GET4: variants seen among roughly 807,000 people sequenced by gnomAD.
The protein encoded by GET4 is guided entry of tail-anchored proteins factor 4, also known as Golgi to ER traffic protein 4 homolog.
GET4 carries 20 observed loss-of-function variants against 40.0 expected under a neutral mutation model. The observed-to-expected ratio is 0.50, with a 90% confidence interval of 0.35 to 0.73. The LOEUF (loss-of-function observed/expected upper bound fraction) is 0.73, where lower values mean the gene tolerates loss of function less well. Among genes scored for constraint, GET4 ranks in the 30% least tolerant of loss-of-function variants. The pLI is 0.01. For missense variants in GET4, 557 were observed against 454.0 expected (o/e 1.23, Z -2.06); for synonymous variants, 280 against 194.6 (o/e 1.44, Z -3.65).
chr7:887,225 G>T (rs780523340), intron 3 of GET4, 145 bp from the exon 4 acceptor site: 126 of 847,702 alleles, frequency 1.5e-4, no homozygotes, highest in Non-Finnish European at 2.4e-4. Context: ...GCTCAGTGTG[G>T]TGGTCCACGG....
chr7:894,063 C>A (rs1017221525), intron 8 of GET4, 92 bp downstream of exon 8: 2 of 693,824 alleles, frequency 2.9e-6, no homozygotes, highest in Non-Finnish European at 4.7e-6. Context: ...CGGTCCTTCA[C>A]GTGGAAGTGG....
chr7:892,262 A>G lies in GET4; in HGVS notation c.606-16A>G, dbSNP rs769411071. The G allele has an allele frequency of 2.5e-6, 4 of 1,584,844 alleles. No homozygotes were observed. Among genetic ancestry groups the G allele is most frequent in the Non-Finnish European group, 2.6e-6 (3 of 1,155,622 alleles). On this transcript the variant is annotated splice_polypyrimidine_tract_variant and intron_variant, in intron 5 of 8. Coordinates refer to ENST00000265857, the MANE Select transcript of GET4 (RefSeq NM_015949.3). The stretch of plus-strand genomic sequence containing the variant: ...GTCCTCCAGCCCTTCCACCACCAGC[A>G]TGTTCTCATTTCCAGGTTTCTCTGT...
intron 4 of GET4, among the ~76,000 whole-genome samples, chr7:890,662 A>G (rs1844300434): frequency 6.6e-6 from 1 of 152,110 alleles, no homozygotes; most frequent in Non-Finnish European, 1.5e-5. Context: ...ACATTAGTGC[A>G]GTTGGATTAA....
chr7:892,220 G>C, intron 5 of GET4, 58 bp from the exon 6 acceptor site: 1 of 1,564,160 alleles, frequency 6.4e-7, no homozygotes, highest in Non-Finnish European at 8.8e-7. Context: ...GCCGGCGCCT[G>C]TGCGGGCAGA....
chr7:887,304 G>A, intron 3 of GET4, 66 bp from the exon 4 acceptor site: 1 of 1,470,212 alleles, frequency 6.8e-7, no homozygotes, highest in Non-Finnish European at 9.4e-7. Context: ...CACTTCTGTG[G>A]GGAATGTGGG....
At chr7:890,458 C>T (rs982583728) in intron 4 of GET4, among the ~76,000 whole-genome samples, 18 of 148,540 alleles carry the variant, frequency 1.2e-4, no homozygotes, top group African/African-American at 4.5e-4. Context: ...TTAGGACGGG[C>T]TTGGGAGTGG....
chr7:876,933 CGGGTCGCCCGGCGGAGG>C (rs1175451328), intron 1 of GET4, 133 bp downstream of exon 1: 1 of 309,730 alleles, frequency 3.2e-6, no homozygotes, highest in South Asian at 1.2e-4. Context: ...CCAGGGGCCG[CGGGTCGCCCGGCGGAGG>C]GTCTGGGCCG....
In GET4 at chr7:892,673, G is replaced by A. The variant is rs372791601; in HGVS notation, c.746+255G>A. 2.6e-5 allele frequency among the ~76,000 whole-genome samples: 4 copies of A among 151,920 alleles called. No individual in the cohort carries two copies. In the East Asian group the frequency reaches 7.7e-4, roughly 29 times the overall value. ...TGTAGACATGGCGTGGGGGAGTGTA[G>A]GTGTTGGGCCTCTGGTAGTGTGGGT... On this transcript the variant is annotated intron_variant, in intron 6 of 8. Coordinates refer to ENST00000265857, the MANE Select transcript of GET4 (RefSeq NM_015949.3).
At chr7:888,466 G>A (rs1289407020) in intron 4 of GET4, among the ~76,000 whole-genome samples, 1 of 152,248 alleles carries the variant, frequency 6.6e-6, no homozygotes, top group East Asian at 1.9e-4. Flanking sequence ...CACCTGGCAG[G>A]CTTTCCCGAC....
At chr7:894,046 T>A (rs1844410192) in intron 8 of GET4, 75 bp downstream of exon 8, 1 of 837,386 alleles carries the variant, frequency 1.2e-6, no homozygotes, top group African/African-American at 1.7e-5. Flanking sequence ...CCCAGGCAGG[T>A]CCAGTGCGGT....
intron 1 of GET4, chr7:884,379 C>T: frequency 7.7e-7 from 1 of 1,299,230 alleles, no homozygotes; most frequent in South Asian, 1.2e-5. Flanking sequence ...GTCGAGGCTC[C>T]TGCTGTGGTG....
intron 2 of GET4, 23 bp downstream of exon 2, chr7:886,157 GC>G: frequency 6.6e-7 from 1 of 1,507,112 alleles, no homozygotes; most frequent in Non-Finnish European, 9.2e-7. Flanking sequence ...GCTTCCTCCT[GC>G]ATCCCTTTCT....
At chr7:894,756 G>A (rs1315296260) in intron 8 of GET4, among the ~76,000 whole-genome samples, 1 of 152,370 alleles carries the variant, frequency 6.6e-6, no homozygotes, top group East Asian at 1.9e-4. Flanking sequence ...CCGTGTCTTT[G>A]TATTCAAAGA....
intron 8 of GET4, 83 bp downstream of exon 8, chr7:894,054 G>C (rs560003943): frequency 2.6e-6 from 2 of 770,904 alleles, no homozygotes; most frequent in Non-Finnish European, 4.1e-6. Context: ...GGTCCAGTGC[G>C]GTCCTTCACG....
At position 895,467 on chromosome 7, in the gene GET4, G is replaced by T; in HGVS notation, c.*45G>T. 9.5e-7 allele frequency: 1 copy of T among 1,054,698 alleles called. No homozygotes were observed. The highest frequency in any genetic ancestry group is 1.5e-6 in the Non-Finnish European group (1 of 685,226). 65.3% of individuals were successfully genotyped at this position (1,054,698 alleles called of 1,614,324 possible). ...GACACCACGGTCGACGACGGCTGGA[G>T]GGACGTTTCAGAGGCGAGTCCTGGG... On this transcript the variant is annotated 3_prime_UTR_variant, in exon 9 of 9. Coordinates refer to ENST00000265857, the MANE Select transcript of GET4 (RefSeq NM_015949.3).
chr7:886,619 G>A lies in GET4; in HGVS notation c.285G>A (p.Lys95=). 1 of 1,613,060 alleles carries A rather than the reference G, an allele frequency of 6.2e-7. No individual in the cohort carries two copies. Among genetic ancestry groups the A allele is most frequent in the African/African-American group, 1.3e-5 (1 of 75,002 alleles). ...LSMLVLESLE[K]AEVEVADELL... ...TGCTGGTCCTGGAGTCCCTGGAGAA[G>A]GCGGAAGTGGAGGTGGCTGACGAGC... Residue 95 remains lysine (K), a synonymous_variant, in exon 3 of 9, where the codon AAG becomes AAA. Coordinates refer to ENST00000265857, the MANE Select transcript of GET4 (RefSeq NM_015949.3).
At chr7:893,603 C>T (rs532766759) in intron 6 of GET4, 137 bp from the exon 7 acceptor site, 21,871 of 609,582 alleles carry the variant, frequency 0.036, 1,123 homozygotes, top group East Asian at 0.13. Flanking sequence ...GGCATGGGCG[C>T]GGTGTGTGCA....
Position 887,461 on chromosome 7 carries a change from C to G in GET4, c.408C>G (p.Gly136=). 1 of 1,591,290 alleles carries G rather than the reference C, an allele frequency of 6.3e-7. No homozygotes were observed. The highest frequency in any genetic ancestry group is 8.6e-7 in the Non-Finnish European group (1 of 1,166,906). ...VSRALKWSSG[G]SGKLGHPRLH... is the part of the protein sequence containing the mutation. ...GAGCCCTGAAGTGGTCCAGTGGGGG[C>G]TCCGGGAAGCTGGGCCACCCCCGGC... is the stretch of plus-strand genomic sequence containing the variant. The change falls in exon 4 of 9, where the codon GGC becomes GGG. Residue 136 remains glycine, a synonymous_variant. Transcript: ENST00000265857.
At chr7:877,399 C>T (rs866238716) in intron 1 of GET4, among the ~76,000 whole-genome samples, 23 of 123,074 alleles carry the variant, frequency 1.9e-4, no homozygotes, top group African/African-American at 6.4e-4. Flanking sequence ...CCCCCTGCTC[C>T]CTCCGTCTCT....
Sources: gnomAD v4.1 joint callset for allele counts (sites outside exome capture counted in the v4.1 genomes callset) on GRCh38, gnomAD v4.1.1 for gene constraint, MANE v1.5 for transcripts, NCBI Gene and HGNC (gene_info 2026-07-23, HGNC 2026-07-21) for gene names.